Variants in RBFOX1 observed in about 807,000 individuals in gnomAD.
The protein encoded by RBFOX1 is RNA binding protein fox-1 homolog 1.
RBFOX1 carries 8 observed loss-of-function variants against 57.7 expected under a neutral mutation model. That is an observed-to-expected ratio of 0.14 (90% confidence interval 0.08 to 0.25). The LOEUF is 0.25. Ranked by LOEUF, RBFOX1 falls within the 10% of genes least tolerant of loss-of-function variation. The pLI is 1.00. For missense variants in RBFOX1, 611 were observed against 548.5 expected, an observed-to-expected ratio of 1.11 and a Z score of -1.14; for synonymous variants, 326 against 222.4, an observed-to-expected ratio of 1.47 and a Z score of -4.15.
intron 3 of RBFOX1, among the ~76,000 whole-genome samples, chr16:5,756,734 A>G (rs2053411207): frequency 6.6e-6 from 1 of 152,168 alleles, no homozygotes; most frequent in Admixed American, 6.5e-5. Flanking sequence ...TAATTCTTTG[A>G]GCCAAAGAGA....
At chr16:5,789,062 C>T (rs2054603962) in intron 3 of RBFOX1, among the ~76,000 whole-genome samples, 1 of 152,112 alleles carries the variant, frequency 6.6e-6, no homozygotes, top group African/African-American at 2.4e-5. Flanking sequence ...TCCTGGAGTC[C>T]TTGTGCACAA....
At chr16:7,168,556 A>G (rs1171163139) in intron 4 of RBFOX1, among the ~76,000 whole-genome samples, 3 of 152,184 alleles carry the variant, frequency 2.0e-5, no homozygotes, top group Non-Finnish European at 4.4e-5. Flanking sequence ...AAAAATGGCC[A>G]CACACAGAAG....
At chr16:5,349,493 G>C (rs933132698) in intron 1 of RBFOX1, among the ~76,000 whole-genome samples, 1 of 152,080 alleles carries the variant, frequency 6.6e-6, no homozygotes, top group Non-Finnish European at 1.5e-5. Context: ...GGCCAACATG[G>C]CGATCCTATC....
chr16:5,255,551 T>G (rs2062572226), intron 1 of RBFOX1, among the ~76,000 whole-genome samples: 1 of 151,752 alleles, frequency 6.6e-6, no homozygotes, highest in Non-Finnish European at 1.5e-5. Context: ...CATCTAACCA[T>G]CTATCCACCC....
At chr16:5,743,228 A>G (rs531068779) in intron 3 of RBFOX1, among the ~76,000 whole-genome samples, 1 of 152,188 alleles carries the variant, frequency 6.6e-6, no homozygotes, top group African/African-American at 2.4e-5. Flanking sequence ...AGAAGGCAGA[A>G]CACTACTCAC....
intron 3 of RBFOX1, among the ~76,000 whole-genome samples, chr16:5,777,045 GC>G (rs1401906563): frequency 3.9e-5 from 6 of 152,212 alleles, no homozygotes; most frequent in Non-Finnish European, 8.8e-5. Context: ...CTGCCTGCTG[GC>G]TGCTCTAATG....
At chr16:6,229,649 T>G (rs932426867) in intron 1 of RBFOX1, among the ~76,000 whole-genome samples, 4 of 152,068 alleles carry the variant, frequency 2.6e-5, no homozygotes, top group Non-Finnish European at 4.4e-5. Flanking sequence ...GCATATAAAT[T>G]TAATGCAAAA....
At chr16:6,123,926 G>T (rs1035605044) in intron 1 of RBFOX1, among the ~76,000 whole-genome samples, 7 of 152,108 alleles carry the variant, frequency 4.6e-5, no homozygotes, top group Admixed American at 1.3e-4. Context: ...TAAATTTTAT[G>T]TTAGGCATAT....
chr16:5,325,600 C>T (rs1415539031), intron 1 of RBFOX1, among the ~76,000 whole-genome samples: 2 of 152,308 alleles, frequency 1.3e-5, no homozygotes, highest in African/African-American at 2.4e-5. Flanking sequence ...AAGTCATATC[C>T]TGCCCCACTG....
chr16:6,155,204 A>C (rs919154407), intron 1 of RBFOX1, among the ~76,000 whole-genome samples: 1 of 152,236 alleles, frequency 6.6e-6, no homozygotes, highest in Non-Finnish European at 1.5e-5. Flanking sequence ...TGCTTTGGAC[A>C]TTACAATCTG....
intron 4 of RBFOX1, among the ~76,000 whole-genome samples, chr16:7,078,449 G>T (rs1443878254): frequency 6.6e-6 from 1 of 152,098 alleles, no homozygotes; most frequent in Non-Finnish European, 1.5e-5. Context: ...CCGGATTCAA[G>T]CGGTTCTCCT....
intron 3 of RBFOX1, among the ~76,000 whole-genome samples, chr16:5,829,344 G>C (rs1475480162): frequency 6.6e-6 from 1 of 152,188 alleles, no homozygotes; most frequent in East Asian, 1.9e-4. Flanking sequence ...ATTTTGAAAA[G>C]ATCATCTTGA....
At chr16:6,593,186 C>G (rs1467601162) in intron 2 of RBFOX1, among the ~76,000 whole-genome samples, 1 of 152,066 alleles carries the variant, frequency 6.6e-6, no homozygotes, top group African/African-American at 2.4e-5. Flanking sequence ...GAGTGAAACT[C>G]TGTCTCATAA....
intron 2 of RBFOX1, among the ~76,000 whole-genome samples, chr16:6,517,015 T>A (rs1445725376): frequency 1.3e-5 from 2 of 152,182 alleles, no homozygotes; most frequent in Non-Finnish European, 2.9e-5. Flanking sequence ...TTCCTACTAG[T>A]GTAGACATCA....
At chr16:6,361,593 A>G (rs1384732155) in intron 2 of RBFOX1, among the ~76,000 whole-genome samples, 1 of 151,414 alleles carries the variant, frequency 6.6e-6, no homozygotes, top group Admixed American at 6.6e-5. Flanking sequence ...GCGCCACTGC[A>G]TTCCAGCCTG....
At chr16:5,413,955 T>G (rs987263237) in intron 1 of RBFOX1, among the ~76,000 whole-genome samples, 1 of 152,160 alleles carries the variant, frequency 6.6e-6, no homozygotes, top group Admixed American at 6.5e-5. Context: ...AAATCCCTTT[T>G]GGTTGCCTGC....
chr16:7,649,179 A>G (rs1276006086), intron 11 of RBFOX1, among the ~76,000 whole-genome samples: 1 of 152,192 alleles, frequency 6.6e-6, no homozygotes, highest in Non-Finnish European at 1.5e-5. Context: ...GAGGAGGAGC[A>G]TGTCCACCCC....
At chr16:6,765,954 G>A (rs574572868) in intron 3 of RBFOX1, among the ~76,000 whole-genome samples, 1 of 152,114 alleles carries the variant, frequency 6.6e-6, no homozygotes, top group Admixed American at 6.6e-5. Flanking sequence ...TATACAGTAT[G>A]ATGGACATTG....
At chr16:6,943,107 A>T (rs539614024) in intron 3 of RBFOX1, among the ~76,000 whole-genome samples, 4 of 152,276 alleles carry the variant, frequency 2.6e-5, no homozygotes, top group African/African-American at 9.6e-5. Flanking sequence ...GAGGGAGCCA[A>T]TCTGGGTATT....
Sources: gnomAD v4.1 joint callset for allele counts (sites outside exome capture counted in the v4.1 genomes callset) on GRCh38, gnomAD v4.1.1 for gene constraint, MANE v1.5 for transcripts, NCBI Gene and HGNC (gene_info 2026-07-23, HGNC 2026-07-21) for gene names.